AKR7A2: variants seen among roughly 807,000 people sequenced by gnomAD.
AKR7A2 encodes the protein aflatoxin B1 aldehyde reductase member 2.
In AKR7A2, 29 loss-of-function variants were observed where a neutral mutation model predicts 37.3. The ratio of observed to expected loss-of-function variants is 0.78; its 90% CI spans 0.58 to 1.06. The LOEUF is 1.06. Among genes scored for constraint, AKR7A2 ranks in the 50% least tolerant of loss-of-function variants. AKR7A2 has a pLI of 0.00. For missense variants in AKR7A2, 529 were observed against 497.9 expected (o/e 1.06, Z -0.59); for synonymous variants, 228 against 217.8 (o/e 1.05, Z -0.41).
chr1:19,303,897 C>T, downstream of AKR7A2: 1 of 390,688 alleles, frequency 2.6e-6, no homozygotes, highest in Non-Finnish European at 4.9e-6. Context: ...GACTCCAGCC[C>T]ATGGTTCTGC....
At position 19,312,005 on chromosome 1, in the gene AKR7A2, C is replaced by G; in HGVS notation, c.120G>C (p.Ser40=). The change falls in exon 1 of 7, where the codon TCG becomes TCC. Residue 40 remains serine (S), a synonymous_variant. Coordinates refer to ENST00000235835, the MANE Select transcript of AKR7A2 (RefSeq NM_003689.4). ...MSRPPPPRVA[S]VLGTMEMGRR... ...GCCCCATCTCCATGGTGCCCAGCAC[C>G]GAGGCGACCCGCGGTGGCGGTGGCC... The G allele has an allele frequency of 6.8e-7, 1 of 1,479,036 alleles. No homozygotes were observed. Among genetic ancestry groups the G allele is most frequent in the South Asian group, 1.3e-5 (1 of 76,030 alleles). The allele number at this position is 1,479,036 out of a possible 1,614,324, so 91.6% of individuals were successfully genotyped here.
chr1:19,305,465 G>A (rs892479496), intron 6 of AKR7A2, among the ~76,000 whole-genome samples: 1 of 152,164 alleles, frequency 6.6e-6, no homozygotes, highest in African/African-American at 2.4e-5. Context: ...AGCCTCCAGA[G>A]TAGCTGGGAA....
In AKR7A2 at chr1:19,304,067, A is replaced by C. The variant is rs1036655306; in HGVS notation, c.*158T>G. ...ACTCACCCCCCACCTTTCACAGTGT[A>C]AAGTGAATAGGGAGCAAGGCAGGAA... On this transcript the variant is annotated 3_prime_UTR_variant, in exon 7 of 7. Transcript: ENST00000235835. 1 of 1,238,372 alleles carries C rather than the reference A, an allele frequency of 8.1e-7. No individual in the cohort carries two copies. The highest frequency in any genetic ancestry group is 1.5e-5 in the African/African-American group (1 of 66,710). 76.7% of individuals were successfully genotyped at this position (1,238,372 alleles called of 1,614,324 possible).
chr1:19,310,333 G>A (rs759388950), intron 1 of AKR7A2, among the ~76,000 whole-genome samples: 9 of 152,126 alleles, frequency 5.9e-5, no homozygotes, highest in Non-Finnish European at 1.2e-4. Context: ...TGAGCTCCTG[G>A]CCCCAAAGAC....
In AKR7A2 at chr1:19,306,214, T is replaced by C. The variant is rs1424239881; in HGVS notation, c.789-67A>G. The C allele has an allele frequency of 1.3e-5, 21 of 1,610,122 alleles. No homozygotes were observed. In the South Asian group the frequency reaches 1.3e-4, roughly 10 times the overall value. On this transcript the variant is annotated intron_variant, in intron 5 of 6. Transcript: ENST00000235835. Reference sequence around the variant, plus strand: ...GGTCACACTGGGAGCCGCAACCAAATAGCCATCCAGGACCACTGCCCCACC... The same window carrying C: ...GGTCACACTGGGAGCCGCAACCAAACAGCCATCCAGGACCACTGCCCCACC...
In AKR7A2 at chr1:19,312,103, C is replaced by T; in HGVS notation, c.22G>A (p.Val8Ile). 1.5e-6 allele frequency: 2 copies of T among 1,328,490 alleles called. No homozygotes were observed. Among genetic ancestry groups the T allele is most frequent in the Admixed American group, 4.1e-5 (1 of 24,364 alleles). 82.3% of individuals were successfully genotyped at this position (1,328,490 alleles called of 1,614,324 possible). The change falls in exon 1 of 7, where the codon GTA (valine) becomes ATA (isoleucine). Residue 8 changes from valine (V) to isoleucine (I), a missense_variant. Physicochemically the swap from Val to Ile is conservative, Grantham distance 29. Transcript: ENST00000235835. MLSAASR[V>I]VSRAAVHCAL... The stretch of plus-strand genomic sequence containing the variant: ...CAGTGGACGGCGGCGCGGGAGACTA[C>T]GCGAGACGCGGCACTCAGCATAGCA...
intron 2 of AKR7A2, 23 bp downstream of exon 2, chr1:19,308,432 T>G: frequency 6.2e-7 from 1 of 1,612,228 alleles, no homozygotes; most frequent in Non-Finnish European, 8.5e-7. Context: ...AGCCCACCTT[T>G]GGAGCTCGGA....
chr1:19,307,265 T>C (rs1216120117), intron 4 of AKR7A2, 49 bp downstream of exon 4: 4 of 1,611,384 alleles, frequency 2.5e-6, no homozygotes, highest in Non-Finnish European at 3.4e-6. Flanking sequence ...GGGCTGGGCA[T>C]CTGTGGGTCA....
chr1:19,311,671 T>C (rs1032034416), intron 1 of AKR7A2, among the ~76,000 whole-genome samples, 156 bp downstream of exon 1: 2 of 151,752 alleles, frequency 1.3e-5, no homozygotes, highest in African/African-American at 2.4e-5. Flanking sequence ...TGTCTAGTTG[T>C]CCCGGGGTTC....
chr1:19,310,125 G>T (rs905932484), intron 1 of AKR7A2, among the ~76,000 whole-genome samples: 2 of 152,302 alleles, frequency 1.3e-5, no homozygotes, highest in Admixed American at 6.5e-5. Context: ...GTCTGGATTG[G>T]TTGGGGGATG....
At chr1:19,311,008 G>A (rs1268468743) in intron 1 of AKR7A2, among the ~76,000 whole-genome samples, 2 of 152,126 alleles carry the variant, frequency 1.3e-5, no homozygotes, top group Non-Finnish European at 2.9e-5. Context: ...CACACATCAC[G>A]CACATTGCAT....
intron 1 of AKR7A2, among the ~76,000 whole-genome samples, 154 bp downstream of exon 1, chr1:19,311,673 C>T (rs1325732994): frequency 6.6e-6 from 1 of 152,120 alleles, no homozygotes; most frequent in Non-Finnish European, 1.5e-5. Context: ...TCTAGTTGTC[C>T]CGGGGTTCCC....
intron 3 of AKR7A2, chr1:19,307,633 A>G: frequency 1.6e-6 from 1 of 608,076 alleles, no homozygotes; most frequent in East Asian, 2.8e-5. Flanking sequence ...TCCATGCTGG[A>G]CACTGGTTAC....
chr1:19,306,011 T>C lies in AKR7A2; in HGVS notation c.918+7A>G, dbSNP rs2093760847. ...GAAGAAGCTGAGCACCCAGGGTCGC[T>C]GGTTACCTGCAGCTGTGAGTGGTGG... is the stretch of plus-strand genomic sequence containing the variant. On this transcript the variant is annotated splice_region_variant and intron_variant, in intron 6 of 6. Coordinates refer to ENST00000235835, the MANE Select transcript of AKR7A2 (RefSeq NM_003689.4). The C allele has an allele frequency of 6.2e-7, 1 of 1,613,822 alleles. No individual in the cohort carries two copies. The highest frequency in any genetic ancestry group is 8.5e-7 in the Non-Finnish European group (1 of 1,179,896).
chr1:19,310,904 G>A (rs532833224), intron 1 of AKR7A2, among the ~76,000 whole-genome samples: 6 of 152,214 alleles, frequency 3.9e-5, no homozygotes, highest in African/African-American at 1.4e-4. Context: ...TGAGTGCCAG[G>A]CACCCTCCCA....
intron 6 of AKR7A2, 48 bp downstream of exon 6, chr1:19,305,970 T>C (rs2093760737): frequency 7.4e-6 from 12 of 1,612,700 alleles, no homozygotes; most frequent in Non-Finnish European, 8.5e-6. Context: ...AAGGTGACGC[T>C]GGTCCCCCTG....
chr1:19,306,899 C>T (rs2093762532), intron 5 of AKR7A2, 103 bp downstream of exon 5: 2 of 1,038,406 alleles, frequency 1.9e-6, no homozygotes, highest in Non-Finnish European at 3.0e-6. Flanking sequence ...GGAGGAGATG[C>T]AAACAGCAAA....
intron 4 of AKR7A2, 61 bp downstream of exon 4, chr1:19,307,253 C>T: frequency 6.2e-7 from 1 of 1,609,610 alleles, no homozygotes; most frequent in Non-Finnish European, 8.5e-7. Flanking sequence ...TTCATAAATT[C>T]TGGGCTGGGC....
intron 3 of AKR7A2, chr1:19,307,896 G>A (rs2093764624): frequency 1.7e-6 from 1 of 581,236 alleles, no homozygotes; most frequent in South Asian, 2.0e-5. Context: ...GAGGGCAGGG[G>A]AAATGTGTTC....
Sources: allele counts gnomAD v4.1 joint callset (sites outside exome capture counted in the v4.1 genomes callset), GRCh38; gene constraint gnomAD v4.1.1; transcripts MANE v1.5; gene names NCBI Gene and HGNC (gene_info 2026-07-23, HGNC 2026-07-21).